The following RASSF8 variants were observed in gnomAD, a reference collection of about 807,000 sequenced individuals.
RASSF8 encodes ras association domain-containing protein 8.
In RASSF8, 22 loss-of-function variants were observed where a neutral mutation model predicts 48.5. The observed-to-expected ratio is 0.45, with a 90% CI of 0.32 to 0.65. The LOEUF (loss-of-function observed/expected upper bound fraction) is 0.65. RASSF8 is among the 30% of genes least tolerant of loss of function. The pLI, the probability that RASSF8 is intolerant of heterozygous loss-of-function variation, is 0.03. For synonymous variants in RASSF8, 127 were observed against 171.5 expected, an observed-to-expected ratio of 0.74 and a Z score of 2.03; for missense variants, 418 against 489.2, an observed-to-expected ratio of 0.85 and a Z score of 1.37.
Position 26,071,675 on chromosome 12 carries a change from G to C in RASSF8, c.*2857G>C. Reference sequence around the variant, plus strand: ...GCACAGGGACTTTTTTATAATATGAGACTTCAGTTGGTATTAATAGGAGTT... The same window carrying C: ...GCACAGGGACTTTTTTATAATATGACACTTCAGTTGGTATTAATAGGAGTT... On this transcript the variant is annotated 3_prime_UTR_variant, in exon 6 of 6. Coordinates refer to ENST00000689635, the MANE Select transcript of RASSF8 (RefSeq NM_001394098.1). 1.0e-6 allele frequency: 1 copy of C among 983,394 alleles called. No homozygotes were observed. Among genetic ancestry groups the C allele is most frequent in the Non-Finnish European group, 1.2e-6 (1 of 828,314 alleles). 60.9% of individuals were successfully genotyped at this position (983,394 alleles called of 1,614,324 possible).
intron 1 of RASSF8, among the ~76,000 whole-genome samples, chr12:25,972,844 A>G (rs1427435652): frequency 1.3e-5 from 2 of 152,232 alleles, no homozygotes; most frequent in Non-Finnish European, 2.9e-5. Context: ...CAGATCGAGA[A>G]TACAGCATTA....
At chr12:26,035,441 A>ATATAATT (rs1565629592) in intron 2 of RASSF8, among the ~76,000 whole-genome samples, 1,647 of 23,524 alleles carry the variant, frequency 0.07, 18 homozygotes, top group Non-Finnish European at 0.09. Flanking sequence ...ATAATTATAT[A>ATATAATT]ATATAAGTAT....
At chr12:26,073,746 T>TCTCTACACAC (rs10678881), downstream of RASSF8, among the ~76,000 whole-genome samples, 134 of 46,404 alleles carry the variant, frequency 2.9e-3, 1 homozygote, top group African/African-American at 0.012. Context: ...TCTCTCTCTC[T>TCTCTACACAC]ATACACACAC....
At chr12:26,035,376 AATCAT>A (rs1445763201) in intron 2 of RASSF8, among the ~76,000 whole-genome samples, 2 of 127,092 alleles carry the variant, frequency 1.6e-5, no homozygotes, top group African/African-American at 2.6e-5. Context: ...GAAATTATAT[AATCAT>A]ATAATATAAT....
At position 25,958,839 on chromosome 12, in the gene RASSF8, G is replaced by A. The variant is rs1332917600; in HGVS notation, c.-512G>A. ...GAGCCTCGCCCTTCCCGCCCGCGGCGGCGTTGGCGCTGGGGGCGGCTCCCG... is the reference window on the plus strand; with the variant it reads ...GAGCCTCGCCCTTCCCGCCCGCGGCAGCGTTGGCGCTGGGGGCGGCTCCCG... On this transcript the variant is annotated 5_prime_UTR_variant, in exon 1 of 6. Transcript: ENST00000689635. 1 of 146,956 alleles carries A rather than the reference G, an allele frequency of 6.8e-6. No individual in the cohort carries two copies. Among genetic ancestry groups the A allele is most frequent in the South Asian group, 2.1e-4 (1 of 4,794 alleles). The allele number at this position is 146,956 out of a possible 1,614,324, so 9.1% of individuals were successfully genotyped here. A position where few individuals can be genotyped will look rare whatever the true frequency, so the allele number is the denominator to read the frequency against.
At chr12:25,969,051 G>A (rs1565597337) in intron 1 of RASSF8, among the ~76,000 whole-genome samples, 1 of 152,228 alleles carries the variant, frequency 6.6e-6, no homozygotes, top group Non-Finnish European at 1.5e-5. Context: ...CCACATCCCA[G>A]CCACCATGCG....
chr12:26,075,709 A>G (rs1319968557), downstream of RASSF8, among the ~76,000 whole-genome samples: 1 of 152,228 alleles, frequency 6.6e-6, no homozygotes, highest in Non-Finnish European at 1.5e-5. Context: ...TGAAGATCAA[A>G]TAAACAAATT....
intron 3 of RASSF8, among the ~76,000 whole-genome samples, chr12:26,057,017 A>T (rs902058861): frequency 3.3e-5 from 5 of 151,876 alleles, no homozygotes; most frequent in Admixed American, 1.3e-4. Flanking sequence ...GGACAGTGCT[A>T]AAAAAGAAAA....
intron 1 of RASSF8, among the ~76,000 whole-genome samples, chr12:25,960,823 T>C (rs1468399228): frequency 6.6e-6 from 1 of 152,140 alleles, no homozygotes; most frequent in African/African-American, 2.4e-5. Flanking sequence ...GAGCAAATCA[T>C]GGGGCTGTGC....
intron 2 of RASSF8, among the ~76,000 whole-genome samples, chr12:26,026,249 A>G (rs181120280): frequency 4.6e-5 from 7 of 152,346 alleles, no homozygotes; most frequent in South Asian, 2.1e-4. Flanking sequence ...TTTAGAGTAT[A>G]TAAGAACTTC....
At chr12:26,041,628 AAT>A (rs930432328) in intron 2 of RASSF8, among the ~76,000 whole-genome samples, 1 of 151,556 alleles carries the variant, frequency 6.6e-6, no homozygotes, top group African/African-American at 2.4e-5. Context: ...TACATACATA[AAT>A]ATATATATAT....
intron 2 of RASSF8, among the ~76,000 whole-genome samples, chr12:26,022,692 G>A (rs1392554225): frequency 9.9e-6 from 1 of 101,312 alleles, no homozygotes; most frequent in Non-Finnish European, 2.1e-5. Flanking sequence ...AGAGTAAAAA[G>A]TATAATAACA....
intron 1 of RASSF8, among the ~76,000 whole-genome samples, chr12:25,964,450 A>G (rs576487921): frequency 4.5e-4 from 68 of 152,350 alleles, no homozygotes; most frequent in Non-Finnish European, 8.8e-4. Flanking sequence ...GCAGGTTATA[A>G]CAAGAGGAGA....
intron 2 of RASSF8, among the ~76,000 whole-genome samples, chr12:26,033,663 C>T (rs1245907080): frequency 1.3e-5 from 2 of 151,700 alleles, no homozygotes; most frequent in African/African-American, 2.4e-5. Flanking sequence ...AAGAAAGAAA[C>T]GTAGAGCCAA....
intron 2 of RASSF8, among the ~76,000 whole-genome samples, chr12:26,032,781 T>C (rs987845213): frequency 1.3e-5 from 2 of 152,226 alleles, no homozygotes; most frequent in Non-Finnish European, 2.9e-5. Flanking sequence ...AGAAATTCTG[T>C]TGATGTTTGA....
upstream of RASSF8, chr12:25,958,261 G>A (rs1302513230): frequency 6.6e-6 from 1 of 151,934 alleles, no homozygotes; most frequent in Non-Finnish European, 1.5e-5. Flanking sequence ...CTCAGCCCCG[G>A]GCGATGGAAG....
At chr12:25,993,497 G>A (rs1942061449) in intron 1 of RASSF8, among the ~76,000 whole-genome samples, 1 of 152,216 alleles carries the variant, frequency 6.6e-6, no homozygotes, top group African/African-American at 2.4e-5. Flanking sequence ...AATAAGAATA[G>A]TTTAGAAACC....
rs747714005 is a variant in RASSF8 at position 26,068,710 on chromosome 12, G to A, written c.1152G>A (p.Gln384=). The A allele has an allele frequency of 6.5e-7, 1 of 1,537,248 alleles. No homozygotes were observed. ...HADIEREAPF[Q]SGSLKRPGSS... ...TTTCCTGTTTAGAGGCACCATTCCA[G>A]TCTGGGTCCCTGAAGCGACCTGGTT... Residue 384 remains glutamine, a synonymous_variant, in exon 6 of 6, where the codon CAG becomes CAA. Transcript: ENST00000689635.
At chr12:26,073,849 C>CACACACATATAT (rs35014279), downstream of RASSF8, among the ~76,000 whole-genome samples, 331 of 144,184 alleles carry the variant, frequency 2.3e-3, 2 homozygotes, top group African/African-American at 8.1e-3. Context: ...CACACACACA[C>CACACACATATAT]ATATATATAT....
Sources: gnomAD v4.1 joint callset for allele counts (sites outside exome capture counted in the v4.1 genomes callset) on GRCh38, gnomAD v4.1.1 for gene constraint, MANE v1.5 for transcripts, NCBI Gene and HGNC (gene_info 2026-07-23, HGNC 2026-07-21) for gene names.